The following PECAM1 variants were observed in gnomAD, a reference collection of about 807,000 sequenced individuals.
PECAM1 encodes platelet endothelial cell adhesion molecule.
Under a neutral mutation model 13.8 loss-of-function variants are expected in PECAM1, and 8 were observed. The ratio of observed to expected loss-of-function variants is 0.58; its 90% CI spans 0.34 to 1.05. The LOEUF is 1.05. Among genes scored for constraint, PECAM1 ranks in the 50% least tolerant of loss-of-function variants. PECAM1 has a pLI of 0.03. For synonymous variants in PECAM1, 136 were observed against 52.6 expected (o/e 2.58, Z -6.86); for missense variants, 304 against 141.2 (o/e 2.15, Z -5.84).
At chr17:64,363,116 G>A (rs1038463941) in intron 6 of PECAM1, 33 bp downstream of exon 6, 5 of 475,202 alleles carry the variant, frequency 1.1e-5, no homozygotes, top group Admixed American at 3.2e-5. Flanking sequence ...ATTCAACCCT[G>A]GATGTCCTCT....
intron 2 of PECAM1, among the ~76,000 whole-genome samples, chr17:64,384,000 G>A (rs1319146804): frequency 6.6e-6 from 1 of 151,984 alleles, no homozygotes; most frequent in Admixed American, 6.6e-5. Flanking sequence ...GCATGGTAGC[G>A]GGCACTTGTC....
At chr17:64,334,849 C>T (rs985962115) in intron 14 of PECAM1, among the ~76,000 whole-genome samples, 6 of 152,068 alleles carry the variant, frequency 3.9e-5, no homozygotes, top group African/African-American at 1.4e-4. Flanking sequence ...TACCACCTTC[C>T]CTCTAATAAG....
chr17:64,338,270 G>T (rs1392087342), intron 14 of PECAM1, among the ~76,000 whole-genome samples: 8 of 144,010 alleles, frequency 5.6e-5, no homozygotes, highest in Non-Finnish European at 7.6e-5. Context: ...TTTAGAGATG[G>T]GGCCTCACTG....
intron 5 of PECAM1, among the ~76,000 whole-genome samples, chr17:64,364,039 G>T (rs935825173): frequency 6.6e-6 from 1 of 152,048 alleles, no homozygotes; most frequent in Non-Finnish European, 1.5e-5. Flanking sequence ...CCAGGAGCTG[G>T]TTTTTTGAAA....
At chr17:64,377,617 A>AAAGGAAGGAAGGAAGGAAGG (rs386627305) in intron 3 of PECAM1, 2,817 of 252,220 alleles carry the variant, frequency 0.011, 194 homozygotes, top group African/African-American at 0.064. Flanking sequence ...TCAAAGAAAG[A>AAAGGAAGGAAGGAAGGAAGG]AAGGAAGGAA....
At chr17:64,333,561 A>C in intron 14 of PECAM1, among the ~76,000 whole-genome samples, 1 of 152,212 alleles carries the variant, frequency 6.6e-6, no homozygotes, top group Middle Eastern at 3.4e-3. Flanking sequence ...TCACCACGCT[A>C]TGACAACCAA....
At position 64,325,601 on chromosome 17, in the gene PECAM1, G is replaced by A. The variant is rs144852895; in HGVS notation, c.2188-1756C>T. 4.7e-3 allele frequency among the ~76,000 whole-genome samples: 713 copies of A among 152,232 alleles called. 6 individuals carry two copies. Among genetic ancestry groups the A allele is most frequent in the African/African-American group, 0.017 (686 of 41,520 alleles). ...AAATGCAAAGAATTAGGCATACATG[G>A]TGGTGTGCACCTGTAGTCCCAGCTA... On this transcript the variant is annotated intron_variant, in intron 15 of 15. Transcript: ENST00000563924.
chr17:64,334,602 G>A (rs1041971045), intron 14 of PECAM1, among the ~76,000 whole-genome samples: 89 of 151,880 alleles, frequency 5.9e-4, no homozygotes, highest in African/African-American at 1.9e-3. Context: ...TCTGCCTCCC[G>A]GGTTCACACC....
intron 6 of PECAM1, 135 bp downstream of exon 6, chr17:64,363,014 T>C (rs1284461204): frequency 2.2e-6 from 1 of 450,230 alleles, no homozygotes; most frequent in African/African-American, 2.0e-5. Flanking sequence ...CTTTGGCCTT[T>C]GATTTCGCAC....
rs781794798 is a variant in PECAM1 at position 64,321,891 on chromosome 17, G to A, written c.*1925C>T. Reference sequence around the variant, plus strand: ...GTGGCAAGGGACTAAGGAACTCCCTGGACACAGGGGATCTGGCTGTCCCCA... The same window carrying A: ...GTGGCAAGGGACTAAGGAACTCCCTAGACACAGGGGATCTGGCTGTCCCCA... On this transcript the variant is annotated 3_prime_UTR_variant, in exon 16 of 16. Coordinates refer to ENST00000563924, the MANE Select transcript of PECAM1 (RefSeq NM_000442.5). The A allele has an allele frequency of 3.7e-6, 5 of 1,347,684 alleles. No homozygotes were observed. In the Admixed American group the frequency reaches 7.6e-5, roughly 21 times the overall value. The allele number at this position is 1,347,684 out of a possible 1,614,324, so 83.5% of individuals were successfully genotyped here. A position where few individuals can be genotyped will look rare whatever the true frequency, so the allele number is the denominator to read the frequency against.
intron 7 of PECAM1, among the ~76,000 whole-genome samples, chr17:64,358,275 C>T (rs907136588): frequency 2.0e-5 from 3 of 152,150 alleles, no homozygotes; most frequent in Non-Finnish European, 2.9e-5. Context: ...CCCACCACCA[C>T]GCTGGGCTAA....
At chr17:64,324,072 C>A (rs540648931) in intron 15 of PECAM1, among the ~76,000 whole-genome samples, 2 of 152,280 alleles carry the variant, frequency 1.3e-5, no homozygotes, top group African/African-American at 4.8e-5. Flanking sequence ...TTTCACAGAT[C>A]TGCAAAGAAT....
intron 14 of PECAM1, among the ~76,000 whole-genome samples, chr17:64,338,141 T>G (rs1437566007): frequency 1.3e-5 from 2 of 151,816 alleles, no homozygotes; most frequent in Admixed American, 6.6e-5. Context: ...GCTCAAGCGA[T>G]CCTCCTGTCT....
chr17:64,362,382 G>A (rs8074955), intron 6 of PECAM1, among the ~76,000 whole-genome samples: 2,370 of 152,294 alleles, frequency 0.016, 60 homozygotes, highest in African/African-American at 0.053. Context: ...GGGTGTGGTG[G>A]CTCAGGCCTG....
At chr17:64,336,967 G>T (rs1332504369) in intron 14 of PECAM1, among the ~76,000 whole-genome samples, 1 of 151,358 alleles carries the variant, frequency 6.6e-6, no homozygotes, top group Non-Finnish European at 1.5e-5. Flanking sequence ...AGGAAAGAAA[G>T]GAAGAAAAAG....
At chr17:64,327,457 C>T (rs185766728) in intron 15 of PECAM1, among the ~76,000 whole-genome samples, 1 of 152,338 alleles carries the variant, frequency 6.6e-6, no homozygotes, top group Non-Finnish European at 1.5e-5. Context: ...TGGAGCTCCC[C>T]TCCCATCCCC....
intron 7 of PECAM1, among the ~76,000 whole-genome samples, chr17:64,359,249 T>G (rs894056398): frequency 2.0e-5 from 3 of 152,176 alleles, no homozygotes; most frequent in African/African-American, 7.2e-5. Flanking sequence ...CTTATTAAAC[T>G]TTTTACAACA....
At chr17:64,388,040 T>A (rs1001461820) in intron 2 of PECAM1, among the ~76,000 whole-genome samples, 178 of 150,758 alleles carry the variant, frequency 1.2e-3, no homozygotes, top group African/African-American at 4.2e-3. Context: ...TTTCCTTGAG[T>A]GTAAAACAAG....
intron 14 of PECAM1, among the ~76,000 whole-genome samples, chr17:64,331,636 A>G (rs1470263520): frequency 2.0e-5 from 3 of 152,240 alleles, no homozygotes; most frequent in African/African-American, 7.2e-5. Flanking sequence ...GTGGTGGGTG[A>G]TCCCTGCCTG....
Sources: allele counts gnomAD v4.1 joint callset (sites outside exome capture counted in the v4.1 genomes callset), GRCh38; gene constraint gnomAD v4.1.1; transcripts MANE v1.5; gene names NCBI Gene and HGNC (gene_info 2026-07-23, HGNC 2026-07-21).